PALLD: variants seen among roughly 807,000 people sequenced by gnomAD.
PALLD encodes the protein palladin.
A neutral mutation model predicts 123.5 loss-of-function variants in PALLD; 61 were observed. The ratio of observed to expected loss-of-function variants is 0.49; its 90% CI spans 0.40 to 0.61. The LOEUF is 0.61. Ranked by LOEUF, PALLD falls within the 20% of genes least tolerant of loss-of-function variation. The pLI is 0.00. For missense variants in PALLD, 1,273 were observed against 1,377.0 expected (o/e 0.92, Z 1.20); for synonymous variants, 465 against 496.4 (o/e 0.94, Z 0.84).
At chr4:168,740,207 T>C (rs904053955) in intron 10 of PALLD, among the ~76,000 whole-genome samples, 1 of 152,194 alleles carries the variant, frequency 6.6e-6, no homozygotes, top group Non-Finnish European at 1.5e-5. Flanking sequence ...TCTTAAAAGA[T>C]GCTTTAAAGG....
chr4:168,645,820 G>A (rs192660238), intron 2 of PALLD, among the ~76,000 whole-genome samples: 2 of 152,260 alleles, frequency 1.3e-5, no homozygotes, highest in African/African-American at 4.8e-5. Flanking sequence ...CAGGAGGCTC[G>A]TGGAGTCTGA....
At position 168,859,270 on chromosome 4, in the gene PALLD, C is replaced by T. The variant is rs77588547; in HGVS notation, c.1965-31652C>T. Among the ~76,000 whole-genome samples the T allele has an allele frequency of 4.6e-3, 706 of 152,310 alleles. 1 individual carries two copies. The highest frequency in any genetic ancestry group is 0.016 in the African/African-American group (665 of 41,552). The stretch of plus-strand genomic sequence containing the variant: ...TCCCCATGACTGATAGTTATCCATG[C>T]TCACAGCTGCTGGCAGGACTGACTC... On this transcript the variant is annotated intron_variant, in intron 10 of 21. Coordinates refer to ENST00000505667, the MANE Select transcript of PALLD (RefSeq NM_001166108.2).
At chr4:168,625,419 A>T (rs1486643459) in intron 2 of PALLD, among the ~76,000 whole-genome samples, 1 of 137,856 alleles carries the variant, frequency 7.3e-6, no homozygotes, top group Non-Finnish European at 1.6e-5. Context: ...CAAAGGACAA[A>T]ATCAACAGAG....
At chr4:168,779,215 A>G (rs1264359845) in intron 10 of PALLD, among the ~76,000 whole-genome samples, 1 of 152,224 alleles carries the variant, frequency 6.6e-6, no homozygotes, top group Non-Finnish European at 1.5e-5. Flanking sequence ...CTTACTCAAC[A>G]TTACTAATTA....
intron 10 of PALLD, among the ~76,000 whole-genome samples, chr4:168,855,089 CTTTTTTTTT>C (rs11338063): frequency 1.9e-5 from 2 of 103,966 alleles, no homozygotes; most frequent in African/African-American, 7.4e-5. Flanking sequence ...AAGGAATGTT[CTTTTTTTTT>C]TTTTTTTTTT....
chr4:168,698,883 T>C (rs200043281), intron 8 of PALLD, among the ~76,000 whole-genome samples: 4 of 152,168 alleles, frequency 2.6e-5, no homozygotes, highest in East Asian at 3.9e-4. Flanking sequence ...GAAGGAATTA[T>C]TATCTCAAAG....
chr4:168,509,082 G>T (rs1236009220), intron 1 of PALLD, among the ~76,000 whole-genome samples: 2 of 152,066 alleles, frequency 1.3e-5, no homozygotes, highest in African/African-American at 4.8e-5. Flanking sequence ...AATTCCACAG[G>T]GGTCTATGCC....
intron 10 of PALLD, among the ~76,000 whole-genome samples, chr4:168,827,454 T>G (rs1315570649): frequency 6.6e-6 from 1 of 152,190 alleles, no homozygotes; most frequent in Non-Finnish European, 1.5e-5. Flanking sequence ...AATTACAGAG[T>G]CCAAATTCAA....
chr4:168,637,517 A>G (rs989588981), intron 2 of PALLD, among the ~76,000 whole-genome samples: 3 of 151,100 alleles, frequency 2.0e-5, no homozygotes, highest in Admixed American at 1.3e-4. Flanking sequence ...AAAAAAAAGT[A>G]GTGACTGAGA....
At chr4:168,762,276 C>G (rs1006748293) in intron 10 of PALLD, among the ~76,000 whole-genome samples, 1 of 151,988 alleles carries the variant, frequency 6.6e-6, no homozygotes, top group Admixed American at 6.5e-5. Context: ...AGTTTGAGAC[C>G]AGCCTGGCCA....
chr4:168,795,137 C>T (rs971524600), intron 10 of PALLD, among the ~76,000 whole-genome samples: 17 of 152,142 alleles, frequency 1.1e-4, no homozygotes, highest in African/African-American at 3.4e-4. Context: ...GTCCCACCTC[C>T]TAAAACCATC....
At position 168,511,711 on chromosome 4, in the gene PALLD, T is replaced by C. The variant is rs1762546521; in HGVS notation, c.207T>C (p.Ser69=). ...AAAAGGAGATCTCGCAGATTTTCAG[T>C]ACTTCTCCTGCAAGCCTCTGTGAAC... The part of the protein sequence containing the change: ...DSEKEISQIF[S]TSPASLCEHP... Residue 69 remains serine (S), a synonymous_variant, in exon 2 of 22, where the codon AGT becomes AGC. Transcript: ENST00000505667. The C allele has an allele frequency of 1.2e-6, 2 of 1,614,052 alleles. No homozygotes were observed. The highest frequency in any genetic ancestry group is 1.7e-6 in the Non-Finnish European group (2 of 1,180,016).
chr4:168,841,053 G>C (rs1049409527), intron 10 of PALLD, among the ~76,000 whole-genome samples: 1 of 152,108 alleles, frequency 6.6e-6, no homozygotes, highest in Non-Finnish European at 1.5e-5. Context: ...GTTTTACCAT[G>C]TTGGTCAGGC....
At chr4:168,576,676 A>C (rs529264205) in intron 2 of PALLD, among the ~76,000 whole-genome samples, 21 of 152,292 alleles carry the variant, frequency 1.4e-4, no homozygotes, top group African/African-American at 5.1e-4. Context: ...TGCTATTGTG[A>C]ATAGTGCCGC....
At chr4:168,765,845 A>G (rs1561498638) in intron 10 of PALLD, among the ~76,000 whole-genome samples, 2 of 152,222 alleles carry the variant, frequency 1.3e-5, no homozygotes, top group Non-Finnish European at 2.9e-5. Context: ...TGGCTGAATT[A>G]CTCATGGGGG....
At position 168,714,644 on chromosome 4, in the gene PALLD, C is replaced by T. The variant is rs576804733; in HGVS notation, c.1964+2721C>T. Among the ~76,000 whole-genome samples, 6 of 152,120 alleles carry T rather than the reference C, an allele frequency of 3.9e-5. No homozygotes were observed. In the South Asian group the frequency reaches 6.2e-4, roughly 16 times the overall value. On this transcript the variant is annotated intron_variant, in intron 10 of 21. Coordinates refer to ENST00000505667, the MANE Select transcript of PALLD (RefSeq NM_001166108.2). ...TGGTTTGCTCAAATCTTCTTTTCAT[C>T]GGTTTATGATTTGATTTTCTTTCAC... is the stretch of plus-strand genomic sequence containing the variant.
intron 2 of PALLD, among the ~76,000 whole-genome samples, chr4:168,620,081 A>C (rs1377486296): frequency 6.6e-6 from 1 of 152,086 alleles, no homozygotes; most frequent in African/African-American, 2.4e-5. Flanking sequence ...GCCACAAACC[A>C]CCCCAGCCCC....
At chr4:168,672,204 A>C (rs1001930698) in intron 3 of PALLD, among the ~76,000 whole-genome samples, 4 of 152,238 alleles carry the variant, frequency 2.6e-5, no homozygotes, top group African/African-American at 9.6e-5. Context: ...CAGGGTAATT[A>C]GCATATCCAT....
intron 10 of PALLD, among the ~76,000 whole-genome samples, chr4:168,789,578 G>A (rs535039882): frequency 6.6e-6 from 1 of 152,104 alleles, no homozygotes; most frequent in South Asian, 2.1e-4. Context: ...GGTGGCATGT[G>A]CCTGTAGTCC....
Sources: allele counts gnomAD v4.1 joint callset (sites outside exome capture counted in the v4.1 genomes callset), GRCh38; gene constraint gnomAD v4.1.1; transcripts MANE v1.5; gene names NCBI Gene and HGNC (gene_info 2026-07-23, HGNC 2026-07-21).